TTC39B: variants seen among roughly 807,000 people sequenced by gnomAD.
TTC39B encodes the protein tetratricopeptide repeat domain 39B.
A neutral mutation model predicts 96.6 loss-of-function variants in TTC39B; 92 were observed. That is an observed-to-expected ratio of 0.95 (90% CI 0.80 to 1.13). The LOEUF (loss-of-function observed/expected upper bound fraction) is 1.13, where lower values mean the gene tolerates loss of function less well. TTC39B is among the 50% of genes most tolerant of loss of function. The pLI is 0.00. For synonymous variants in TTC39B, 367 were observed against 299.4 expected (o/e 1.23, Z -2.33); for missense variants, 955 against 809.3 (o/e 1.18, Z -2.18).
chr9:15,282,652 A>G, intron 1 of TTC39B, among the ~76,000 whole-genome samples: 1 of 152,196 alleles, frequency 6.6e-6, no homozygotes, highest in East Asian at 1.9e-4. Flanking sequence ...TGAGCCAGAC[A>G]CTGCTCCACA....
intron 2 of TTC39B, among the ~76,000 whole-genome samples, chr9:15,233,769 G>GGCC (rs1169245923): frequency 6.6e-6 from 1 of 152,004 alleles, no homozygotes; most frequent in Non-Finnish European, 1.5e-5. Context: ...GCCTCTGCCC[G>GGCC]GCCGCCACCC....
At chr9:15,276,116 A>G (rs1242783476) in intron 1 of TTC39B, among the ~76,000 whole-genome samples, 1 of 152,210 alleles carries the variant, frequency 6.6e-6, no homozygotes, top group African/African-American at 2.4e-5. Context: ...TAAGAAATTT[A>G]AGAGGTTATT....
intron 16 of TTC39B, among the ~76,000 whole-genome samples, chr9:15,184,610 C>T (rs1818422090): frequency 6.6e-6 from 1 of 152,132 alleles, no homozygotes; most frequent in Non-Finnish European, 1.5e-5. Flanking sequence ...GTGTTTTTCA[C>T]AGAAGCCTTG....
chr9:15,306,217 G>C lies in TTC39B; in HGVS notation c.240+867C>G, dbSNP rs898048868. 3.9e-5 allele frequency among the ~76,000 whole-genome samples: 6 copies of C among 152,224 alleles called. No individual in the cohort carries two copies. The highest frequency in any genetic ancestry group is 1.4e-4 in the African/African-American group (6 of 41,454). On this transcript the variant is annotated intron_variant, in intron 1 of 19. Coordinates refer to ENST00000512701, the Ensembl canonical transcript of TTC39B. This position sits in a 1 kb window ranked among gnomAD's most constrained non-coding sequence, Gnocchi z 5.1. ...GCAGCTGTGGGTGCTGGCTGCTGCT[G>C]GAGCCTCGGTCTCAACTTCAAGAGC...
intron 2 of TTC39B, among the ~76,000 whole-genome samples, chr9:15,264,654 T>TAA (rs546870324): frequency 0.075 from 8,859 of 117,894 alleles, 373 homozygotes; most frequent in African/African-American, 0.099. Context: ...GACTCTGTCT[T>TAA]AAAAAAAAAA....
At chr9:15,292,012 C>T (rs1824206020) in intron 1 of TTC39B, among the ~76,000 whole-genome samples, 1 of 152,202 alleles carries the variant, frequency 6.6e-6, no homozygotes, top group African/African-American at 2.4e-5. Flanking sequence ...CAGTGCCTGG[C>T]ACCCTTTAAA....
intron 2 of TTC39B, among the ~76,000 whole-genome samples, chr9:15,236,025 G>A (rs1421154877): frequency 6.6e-6 from 1 of 151,978 alleles, no homozygotes; most frequent in African/African-American, 2.4e-5. Flanking sequence ...TAGCAAACTA[G>A]TTTTTTAAAA....
chr9:15,281,441 A>G (rs1405862425), intron 1 of TTC39B, among the ~76,000 whole-genome samples: 2 of 152,084 alleles, frequency 1.3e-5, no homozygotes, highest in Non-Finnish European at 2.9e-5. Flanking sequence ...CCACTCATAC[A>G]GTGCCCTCCC....
chr9:15,243,518 T>A (rs1387330680), intron 2 of TTC39B, among the ~76,000 whole-genome samples: 1 of 152,184 alleles, frequency 6.6e-6, no homozygotes, highest in Non-Finnish European at 1.5e-5. Flanking sequence ...ATTTAACAAC[T>A]GTCTACAGAA....
At chr9:15,237,840 A>G (rs1294106725) in intron 2 of TTC39B, among the ~76,000 whole-genome samples, 1 of 152,178 alleles carries the variant, frequency 6.6e-6, no homozygotes, top group Non-Finnish European at 1.5e-5. Context: ...ACAAAAAGAG[A>G]AAACTACCAA....
chr9:15,225,323 T>A (rs1259795086), intron 3 of TTC39B, among the ~76,000 whole-genome samples: 4 of 152,178 alleles, frequency 2.6e-5, no homozygotes, highest in Non-Finnish European at 5.9e-5. Context: ...TAATCAGGAT[T>A]ATAGTAATAC....
rs766402992 is a variant in TTC39B, at chr9:15,189,528, C to T, written c.1233+46G>A. On this transcript the variant is annotated intron_variant, in intron 13 of 19. Transcript: ENST00000512701. Reference sequence around the variant, plus strand: ...AGGTCACAGCGACTCATGTAGGAGTCGCCATACAGACAACTCCCCCAAATA... The same window carrying T: ...AGGTCACAGCGACTCATGTAGGAGTTGCCATACAGACAACTCCCCCAAATA... The T allele has an allele frequency of 8.0e-5, 128 of 1,593,464 alleles. 1 individual carries two copies. The highest frequency in any genetic ancestry group is 1.1e-4 in the Non-Finnish European group (122 of 1,161,864).
At chr9:15,171,148 T>C (rs75864863) in exon 20 of TTC39B, 1 of 152,304 alleles carries the variant, frequency 6.6e-6, no homozygotes, top group African/African-American at 2.4e-5. Context: ...ATCACAGTGC[T>C]AGAGAGATTA....
intron 3 of TTC39B, among the ~76,000 whole-genome samples, chr9:15,218,214 G>A (rs1026383077): frequency 5.3e-5 from 8 of 150,076 alleles, no homozygotes; most frequent in African/African-American, 2.0e-4. Context: ...TTTGCAAGAG[G>A]CTCATCAGCA....
At chr9:15,242,075 T>G (rs1304213796) in intron 2 of TTC39B, among the ~76,000 whole-genome samples, 2 of 152,172 alleles carry the variant, frequency 1.3e-5, no homozygotes, top group Non-Finnish European at 2.9e-5. Context: ...AATATAATTA[T>G]CTCTTAATCA....
intron 1 of TTC39B, among the ~76,000 whole-genome samples, chr9:15,288,034 T>C (rs1824042951): frequency 6.6e-6 from 1 of 151,482 alleles, no homozygotes; most frequent in Admixed American, 6.6e-5. Flanking sequence ...TAATTAGCTA[T>C]ACAATTAAGC....
At chr9:15,213,739 C>T (rs1006863827) in intron 4 of TTC39B, among the ~76,000 whole-genome samples, 1 of 152,154 alleles carries the variant, frequency 6.6e-6, no homozygotes, top group Non-Finnish European at 1.5e-5. Flanking sequence ...TAATAGTCTT[C>T]TTATCTTAAA....
chr9:15,284,339 A>G (rs1385238918), intron 1 of TTC39B, among the ~76,000 whole-genome samples: 1 of 152,220 alleles, frequency 6.6e-6, no homozygotes, highest in Non-Finnish European at 1.5e-5. Flanking sequence ...CCTATTAAAA[A>G]ATTTAAACAC....
intron 2 of TTC39B, among the ~76,000 whole-genome samples, chr9:15,241,928 T>C (rs1822060850): frequency 6.6e-6 from 1 of 151,990 alleles, no homozygotes; most frequent in South Asian, 2.1e-4. Flanking sequence ...GTATTTTTAG[T>C]AGAAACGGAG....
Sources: allele counts gnomAD v4.1 joint callset (sites outside exome capture counted in the v4.1 genomes callset), GRCh38; gene constraint gnomAD v4.1.1; non-coding constraint Gnocchi (gnomAD v3.1); transcripts MANE v1.5; gene names NCBI Gene and HGNC (gene_info 2026-07-23, HGNC 2026-07-21).